The following PPP2R5A variants were observed in gnomAD, a reference collection of about 807,000 sequenced individuals.
PPP2R5A encodes the protein protein phosphatase 2 regulatory subunit B'alpha, also known as serine/threonine-protein phosphatase 2A 56 kDa regulatory subunit alpha isoform.
In PPP2R5A, 25 loss-of-function variants were observed where a neutral mutation model predicts 64.2. The observed-to-expected ratio is 0.39, with a 90% CI of 0.28 to 0.54. PPP2R5A has a LOEUF of 0.54. PPP2R5A is among the 20% of genes least tolerant of loss of function. The pLI is 0.67. For missense variants in PPP2R5A, 425 were observed against 576.3 expected (o/e 0.74, Z 2.69); for synonymous variants, 198 against 201.2 (o/e 0.98, Z 0.13).
intron 7 of PPP2R5A, 50 bp downstream of exon 7, chr1:212,348,547 A>G: frequency 7.9e-7 from 1 of 1,261,270 alleles, no homozygotes; most frequent in Non-Finnish European, 1.1e-6. Context: ...TCAAAGGCCA[A>G]TATAAAGGCA....
chr1:212,349,003 C>CCTCA (rs1659830386), intron 7 of PPP2R5A, among the ~76,000 whole-genome samples, 186 bp from the exon 8 acceptor site: 1 of 152,116 alleles, frequency 6.6e-6, no homozygotes, highest in African/African-American at 2.4e-5. Flanking sequence ...TAAAAAGTTA[C>CCTCA]ACAATTGTGA....
intron 6 of PPP2R5A, 100 bp downstream of exon 6, chr1:212,347,506 G>A (rs2102444041): frequency 1.2e-6 from 1 of 859,284 alleles, no homozygotes. Flanking sequence ...ATATTTTAGA[G>A]TTTAAATGTA....
At chr1:212,291,053 T>G (rs1055496134) in intron 1 of PPP2R5A, among the ~76,000 whole-genome samples, 19 of 152,214 alleles carry the variant, frequency 1.2e-4, no homozygotes, top group African/African-American at 4.1e-4. Context: ...TTTGTTTTTA[T>G]GTGTTTAGCA....
intron 1 of PPP2R5A, among the ~76,000 whole-genome samples, chr1:212,316,146 C>T (rs990341102): frequency 3.9e-5 from 6 of 152,146 alleles, no homozygotes; most frequent in Non-Finnish European, 8.8e-5. Flanking sequence ...AAGGAAGAGT[C>T]TCACACCTCA....
chr1:212,329,296 ATTG>A lies in PPP2R5A; in HGVS notation c.347_349del (p.Val116del). On this transcript the variant is annotated inframe_deletion, in exon 2 of 13. Transcript: ENST00000261461. Reference sequence around the variant, plus strand: ...GTATGTTTCAACTAATCGTGGTGTAATTGTTGAATCAGCGTATTCTGATATAGT... The same window carrying A: ...GTATGTTTCAACTAATCGTGGTGTAATTGAATCAGCGTATTCTGATATAGT... The A allele has an allele frequency of 6.2e-7, 1 of 1,607,098 alleles. No individual in the cohort carries two copies. Among genetic ancestry groups the A allele is most frequent in the Non-Finnish European group, 8.5e-7 (1 of 1,177,964 alleles).
rs148027182 is a variant in PPP2R5A, at chr1:212,361,704, G to A, written c.*934G>A. On this transcript the variant is annotated 3_prime_UTR_variant, in exon 13 of 13. Transcript: ENST00000261461. Reference sequence around the variant, plus strand: ...AAAAGGTTGACTATATAGAGGTCTTGTATGTTTTTACTTGGTCAAGTATTT... The same window carrying A: ...AAAAGGTTGACTATATAGAGGTCTTATATGTTTTTACTTGGTCAAGTATTT... 6.5e-6 allele frequency: 1 copy of A among 152,772 alleles called. No individual in the cohort carries two copies. Among genetic ancestry groups the A allele is most frequent in the East Asian group, 1.9e-4 (1 of 5,190 alleles). 9.5% of individuals were successfully genotyped at this position (152,772 alleles called of 1,614,324 possible). A position where few individuals can be genotyped will look rare whatever the true frequency, so the allele number is the denominator to read the frequency against.
intron 8 of PPP2R5A, chr1:212,352,874 CA>C (rs1316176379): frequency 5.8e-6 from 3 of 519,166 alleles, no homozygotes; most frequent in South Asian, 4.2e-5. Context: ...AAAAAGAAGC[CA>C]AGAGTGACAG....
intron 1 of PPP2R5A, among the ~76,000 whole-genome samples, chr1:212,302,254 T>C (rs1658811487): frequency 1.3e-5 from 2 of 152,206 alleles, no homozygotes. Context: ...TATTAAAAAT[T>C]CGGTGAACTG....
intron 3 of PPP2R5A, among the ~76,000 whole-genome samples, chr1:212,341,638 G>C (rs1284141559): frequency 6.6e-6 from 1 of 152,058 alleles, no homozygotes; most frequent in Admixed American, 6.6e-5. Context: ...GTAATTTAAC[G>C]TTTTGCATCA....
chr1:212,321,698 T>C (rs1164076795), intron 1 of PPP2R5A, among the ~76,000 whole-genome samples: 1 of 140,972 alleles, frequency 7.1e-6, no homozygotes, highest in African/African-American at 2.9e-5. Context: ...CTCCTCACTT[T>C]CCAGACTGGG....
intron 11 of PPP2R5A, among the ~76,000 whole-genome samples, chr1:212,357,696 G>C (rs927354776): frequency 1.3e-5 from 2 of 151,700 alleles, no homozygotes; most frequent in Non-Finnish European, 2.9e-5. Context: ...CCATCTACTC[G>C]GGAGGCTGAG....
chr1:212,287,092 A>G (rs978589954), intron 1 of PPP2R5A, among the ~76,000 whole-genome samples: 1 of 152,108 alleles, frequency 6.6e-6, no homozygotes, highest in African/African-American at 2.4e-5. Flanking sequence ...CAGGAATTCA[A>G]ATTGGTATCC....
At chr1:212,352,934 T>G in intron 8 of PPP2R5A, 1 of 518,878 alleles carries the variant, frequency 1.9e-6, no homozygotes, top group Non-Finnish European at 3.8e-6. Flanking sequence ...TCTGCAAGAT[T>G]TTGGGAAAAT....
At chr1:212,308,258 A>G (rs956009108) in intron 1 of PPP2R5A, among the ~76,000 whole-genome samples, 4 of 152,012 alleles carry the variant, frequency 2.6e-5, no homozygotes, top group South Asian at 4.1e-4. Flanking sequence ...GAAAGTAACT[A>G]GTTGTTTTTC....
At chr1:212,294,370 A>G (rs1658654692) in intron 1 of PPP2R5A, among the ~76,000 whole-genome samples, 1 of 152,340 alleles carries the variant, frequency 6.6e-6, no homozygotes, top group South Asian at 2.1e-4. Flanking sequence ...AACTTTTCAG[A>G]CAGGCTTTTC....
intron 1 of PPP2R5A, among the ~76,000 whole-genome samples, chr1:212,311,616 G>A (rs973120898): frequency 6.6e-6 from 1 of 151,986 alleles, no homozygotes; most frequent in East Asian, 1.9e-4. Context: ...AAAGTTAGCT[G>A]TAAAGCAGCC....
At chr1:212,346,841 G>C (rs1402767398) in intron 5 of PPP2R5A, among the ~76,000 whole-genome samples, 4 of 152,092 alleles carry the variant, frequency 2.6e-5, no homozygotes, top group African/African-American at 4.8e-5. Context: ...CCAGTTCTCT[G>C]TCATCACTTC....
At chr1:212,349,372 A>C in intron 8 of PPP2R5A, 130 bp downstream of exon 8, 1 of 628,796 alleles carries the variant, frequency 1.6e-6, no homozygotes, top group East Asian at 3.2e-5. Flanking sequence ...AGAAGAAGAA[A>C]TGTGAGATTA....
chr1:212,339,540 A>G (rs1053231373), intron 3 of PPP2R5A, among the ~76,000 whole-genome samples: 10 of 152,190 alleles, frequency 6.6e-5, no homozygotes, highest in African/African-American at 2.4e-4. Context: ...TGGCGGCATA[A>G]CAGCATTTTG....
Sources: gnomAD v4.1 joint callset for allele counts (sites outside exome capture counted in the v4.1 genomes callset) on GRCh38, gnomAD v4.1.1 for gene constraint, MANE v1.5 for transcripts, NCBI Gene and HGNC (gene_info 2026-07-23, HGNC 2026-07-21) for gene names.